GNAQ: variants seen among roughly 807,000 people sequenced by gnomAD.
GNAQ encodes the protein G protein subunit alpha q.
GNAQ carries 8 observed loss-of-function variants against 43.9 expected under a neutral mutation model. That is an observed-to-expected ratio of 0.18 (90% CI 0.11 to 0.33). The LOEUF (loss-of-function observed/expected upper bound fraction) is 0.33, where lower values mean the gene tolerates loss of function less well. Among genes scored for constraint, GNAQ ranks in the 10% least tolerant of loss-of-function variants. The pLI, the probability that GNAQ is intolerant of heterozygous loss-of-function variation, is 1.00. For missense variants in GNAQ, 158 were observed against 450.8 expected (o/e 0.35, Z 5.88); for synonymous variants, 155 against 170.7 (o/e 0.91, Z 0.71).
chr9:77,733,394 C>T (rs867168418), intron 5 of GNAQ, among the ~76,000 whole-genome samples: 6 of 152,188 alleles, frequency 3.9e-5, no homozygotes, highest in Non-Finnish European at 5.9e-5. Flanking sequence ...AAATTCTGGC[C>T]TGGCATTCAC....
chr9:77,915,210 T>C (rs1232769268), intron 2 of GNAQ, among the ~76,000 whole-genome samples: 2 of 152,228 alleles, frequency 1.3e-5, no homozygotes, highest in Non-Finnish European at 2.9e-5. Flanking sequence ...CACAGCCAGA[T>C]AAGGAGATTT....
rs540374698 is a variant in GNAQ, at chr9:77,947,782, T to C, written c.137-25437A>G. On this transcript the variant is annotated intron_variant, in intron 1 of 6. Coordinates refer to ENST00000286548, the MANE Select transcript of GNAQ (RefSeq NM_002072.5). ...CTGGGGTGGAGCATGAGATTCTGCA[T>C]GTCTAACCAGGGGCCAGATGATGCC... 6.6e-5 allele frequency among the ~76,000 whole-genome samples: 10 copies of C among 152,294 alleles called. 1 individual carries two copies. The South Asian group carries it at 1.5e-3, about 22-fold the overall frequency.
intron 2 of GNAQ, among the ~76,000 whole-genome samples, chr9:77,835,114 C>T (rs899351966): frequency 1.3e-5 from 2 of 152,092 alleles, no homozygotes; most frequent in Non-Finnish European, 1.5e-5. Flanking sequence ...GGCTGATTCA[C>T]ACCCTGGGCA....
At chr9:77,912,676 TACAA>T (rs1564149536) in intron 2 of GNAQ, among the ~76,000 whole-genome samples, 2 of 152,032 alleles carry the variant, frequency 1.3e-5, no homozygotes, top group Admixed American at 1.3e-4. Flanking sequence ...AAGGAACTCC[TACAA>T]AACAATGAGA....
chr9:77,877,500 G>A (rs1293109719), intron 2 of GNAQ, among the ~76,000 whole-genome samples: 1 of 152,114 alleles, frequency 6.6e-6, no homozygotes, highest in Non-Finnish European at 1.5e-5. Context: ...CACATTTATT[G>A]AGACTCCTGT....
intron 3 of GNAQ, among the ~76,000 whole-genome samples, chr9:77,810,916 C>T (rs1184216826): frequency 6.6e-6 from 1 of 152,154 alleles, no homozygotes; most frequent in Non-Finnish European, 1.5e-5. Context: ...GAAAGGGTGA[C>T]TCTTGAGTCG....
chr9:77,917,050 T>C (rs1429091809), intron 2 of GNAQ, among the ~76,000 whole-genome samples: 5 of 152,220 alleles, frequency 3.3e-5, no homozygotes, highest in Non-Finnish European at 7.3e-5. Flanking sequence ...ATGTCTGGCA[T>C]GTTACGGAGG....
intron 1 of GNAQ, among the ~76,000 whole-genome samples, chr9:77,975,184 A>AT (rs2118471940): frequency 6.6e-6 from 1 of 152,340 alleles, no homozygotes; most frequent in South Asian, 2.1e-4. Flanking sequence ...ATTAAGTGGG[A>AT]TAAAAAATTG....
At chr9:78,005,227 G>A (rs994904608) in intron 1 of GNAQ, among the ~76,000 whole-genome samples, 7 of 152,210 alleles carry the variant, frequency 4.6e-5, no homozygotes, top group Non-Finnish European at 1.0e-4. Context: ...TGTATTATTT[G>A]TAGAGATGGT....
chr9:77,778,255 A>G (rs527869944), intron 5 of GNAQ, among the ~76,000 whole-genome samples: 182 of 151,726 alleles, frequency 1.2e-3, no homozygotes, highest in African/African-American at 4.2e-3. Flanking sequence ...ATTCCTCTAT[A>G]TAAGGGAAAT....
chr9:77,956,161 T>A (rs1823038408), intron 1 of GNAQ, among the ~76,000 whole-genome samples: 1 of 152,220 alleles, frequency 6.6e-6, no homozygotes, highest in African/African-American at 2.4e-5. Flanking sequence ...TGTTCATTAG[T>A]GTAACCCTCC....
chr9:78,003,596 T>C (rs1823669359), intron 1 of GNAQ, among the ~76,000 whole-genome samples: 1 of 151,944 alleles, frequency 6.6e-6, no homozygotes. Context: ...GGGCAGATCA[T>C]TTGAGACCTG....
At position 77,718,431 on chromosome 9, in the gene GNAQ, G is replaced by A. The variant is rs1825257441; in HGVS notation, c.*2892C>T. 2 of 232,450 alleles carry A rather than the reference G, an allele frequency of 8.6e-6. No homozygotes were observed. The highest frequency in any genetic ancestry group is 1.7e-5 in the Non-Finnish European group (2 of 117,646). The allele number at this position is 232,450 out of a possible 1,614,324, so 14.4% of individuals were successfully genotyped here. A position where few individuals can be genotyped will look rare whatever the true frequency, so the allele number is the denominator to read the frequency against. On this transcript the variant is annotated 3_prime_UTR_variant, in exon 7 of 7. Coordinates refer to ENST00000286548, the MANE Select transcript of GNAQ (RefSeq NM_002072.5). ...GTTTCTATGCATCACTGCTGCTAGGGTGATCAATTTTTTCCTTTCTCAAGA... is the reference window on the plus strand; with the variant it reads ...GTTTCTATGCATCACTGCTGCTAGGATGATCAATTTTTTCCTTTCTCAAGA...
At chr9:77,907,033 T>A (rs1828720862) in intron 2 of GNAQ, among the ~76,000 whole-genome samples, 1 of 152,212 alleles carries the variant, frequency 6.6e-6, no homozygotes, top group Non-Finnish European at 1.5e-5. Flanking sequence ...TTTATATTTA[T>A]AAAATGTTTT....
intron 2 of GNAQ, among the ~76,000 whole-genome samples, chr9:77,898,512 A>G (rs1022673287): frequency 1.3e-5 from 2 of 152,198 alleles, no homozygotes; most frequent in Non-Finnish European, 2.9e-5. Flanking sequence ...TAGCAATTCA[A>G]GAGCAACCTA....
intron 5 of GNAQ, among the ~76,000 whole-genome samples, chr9:77,777,876 AAAT>A (rs1445703420): frequency 6.6e-6 from 1 of 152,064 alleles, no homozygotes; most frequent in Non-Finnish European, 1.5e-5. Flanking sequence ...TAGGACTGTA[AAAT>A]GGTATAGCCA....
Position 77,717,044 on chromosome 9 carries a change from T to C in GNAQ, c.*4279A>G, listed in dbSNP as rs995703975. On this transcript the variant is annotated 3_prime_UTR_variant, in exon 7 of 7. Coordinates refer to ENST00000286548, the MANE Select transcript of GNAQ (RefSeq NM_002072.5). ...CTCCAAAAATCTCTAGCTAATCATA[T>C]ACAACTAAGCCATTTCTTTTCCTAA... 8.6e-6 allele frequency: 2 copies of C among 232,710 alleles called. No homozygotes were observed. Among genetic ancestry groups the C allele is most frequent in the African/African-American group, 2.2e-5 (1 of 45,334 alleles). 14.4% of individuals were successfully genotyped at this position (232,710 alleles called of 1,614,324 possible). A position where few individuals can be genotyped will look rare whatever the true frequency, so the allele number is the denominator to read the frequency against.
At chr9:77,817,865 G>A (rs1827044603) in intron 2 of GNAQ, among the ~76,000 whole-genome samples, 1 of 152,150 alleles carries the variant, frequency 6.6e-6, no homozygotes, top group African/African-American at 2.4e-5. Flanking sequence ...GAGAAGGTGG[G>A]ATTTAGCTGG....
intron 1 of GNAQ, among the ~76,000 whole-genome samples, chr9:78,027,671 T>C (rs560410421): frequency 3.6e-4 from 54 of 150,534 alleles, no homozygotes; most frequent in Admixed American, 1.5e-3. Flanking sequence ...GAATCGCTTG[T>C]ACCTGGGAGG....
Sources: gnomAD v4.1 joint callset for allele counts (sites outside exome capture counted in the v4.1 genomes callset) on GRCh38, gnomAD v4.1.1 for gene constraint, MANE v1.5 for transcripts, NCBI Gene and HGNC (gene_info 2026-07-23, HGNC 2026-07-21) for gene names.